Variants in DLG2 observed in about 807,000 individuals in gnomAD.
The protein encoded by DLG2 is discs large MAGUK scaffold protein 2, also known as disks large homolog 2.
A neutral mutation model predicts 132.5 loss-of-function variants in DLG2; 45 were observed. The ratio of observed to expected loss-of-function variants is 0.34; its 90% CI spans 0.27 to 0.44. The LOEUF (loss-of-function observed/expected upper bound fraction) is 0.44, where lower values mean the gene tolerates loss of function less well. Ranked by LOEUF, DLG2 falls within the 20% of genes least tolerant of loss-of-function variation. The probability of loss-of-function intolerance (pLI) is 1.00; values close to 1 mark genes in which losing one functional copy is unlikely to be tolerated. For synonymous variants in DLG2, 424 were observed against 419.6 expected, an observed-to-expected ratio of 1.01 and a Z score of -0.13; for missense variants, 1,045 against 1,196.9, an observed-to-expected ratio of 0.87 and a Z score of 1.87.
At chr11:85,481,369 C>T (rs771073760) in intron 3 of DLG2, among the ~76,000 whole-genome samples, 2 of 152,158 alleles carry the variant, frequency 1.3e-5, no homozygotes, top group Non-Finnish European at 2.9e-5. Context: ...CACAAAAATA[C>T]TTTCACAATA....
At chr11:84,294,220 T>A (rs2098054450) in intron 7 of DLG2, among the ~76,000 whole-genome samples, 1 of 152,240 alleles carries the variant, frequency 6.6e-6, no homozygotes, top group Non-Finnish European at 1.5e-5. Context: ...TTGAGTTGTA[T>A]GAGTTTATTA....
chr11:83,804,609 G>C (rs28756717), intron 17 of DLG2, among the ~76,000 whole-genome samples: 1,799 of 44,858 alleles, frequency 0.04, 24 homozygotes, highest in Middle Eastern at 0.12. Context: ...CACACACACA[G>C]ACACACACTT....
At chr11:85,226,686 T>C (rs540653795) in intron 4 of DLG2, among the ~76,000 whole-genome samples, 179 of 152,276 alleles carry the variant, frequency 1.2e-3, no homozygotes, top group Non-Finnish European at 1.8e-3. Flanking sequence ...CATGATGTGT[T>C]GGAGAGAAGC....
intron 16 of DLG2, among the ~76,000 whole-genome samples, chr11:83,866,192 C>T (rs1256550540): frequency 6.6e-6 from 1 of 152,066 alleles, no homozygotes; most frequent in East Asian, 1.9e-4. Flanking sequence ...CTGCTTTGCT[C>T]ATCATTATAT....
chr11:85,191,094 G>A (rs1235940001), intron 4 of DLG2, among the ~76,000 whole-genome samples: 3 of 151,320 alleles, frequency 2.0e-5, no homozygotes, highest in Non-Finnish European at 2.9e-5. Flanking sequence ...ATTCACAATA[G>A]CAAAGACATG....
chr11:83,856,057 A>G (rs887897088), intron 16 of DLG2, among the ~76,000 whole-genome samples: 3 of 152,124 alleles, frequency 2.0e-5, no homozygotes, highest in Non-Finnish European at 1.5e-5. Flanking sequence ...CTCATAATTT[A>G]GCTTCCACTT....
At chr11:83,912,292 G>T (rs2076213022) in intron 15 of DLG2, among the ~76,000 whole-genome samples, 2 of 152,166 alleles carry the variant, frequency 1.3e-5, no homozygotes, top group East Asian at 3.9e-4. Context: ...ACTTATGACT[G>T]GGTTGTTATC....
chr11:84,719,356 T>C (rs564452691), intron 6 of DLG2, among the ~76,000 whole-genome samples: 1 of 152,220 alleles, frequency 6.6e-6, no homozygotes, highest in East Asian at 1.9e-4. Flanking sequence ...TCTCTCTTTC[T>C]CTCTCTCTCT....
At chr11:84,503,699 A>G (rs547469258) in intron 7 of DLG2, among the ~76,000 whole-genome samples, 1 of 152,344 alleles carries the variant, frequency 6.6e-6, no homozygotes, top group East Asian at 1.9e-4. Context: ...GGTCCTTAAG[A>G]AAAGTCTGAG....
chr11:85,065,902 C>G (rs182883403), intron 6 of DLG2, among the ~76,000 whole-genome samples: 102 of 151,250 alleles, frequency 6.7e-4, no homozygotes, highest in African/African-American at 2.4e-3. Flanking sequence ...CATCACACCT[C>G]AAAGAACTAA....
intron 3 of DLG2, among the ~76,000 whole-genome samples, chr11:85,398,612 C>A (rs1021893033): frequency 3.3e-5 from 5 of 152,126 alleles, no homozygotes; most frequent in Admixed American, 1.3e-4. Context: ...CACAATCCCA[C>A]AGAAATACAA....
chr11:83,616,864 G>C (rs1282999074), intron 19 of DLG2, among the ~76,000 whole-genome samples: 2 of 152,074 alleles, frequency 1.3e-5, no homozygotes, highest in African/African-American at 4.8e-5. Flanking sequence ...AAAAAAGTTG[G>C]ATATCCAATT....
chr11:84,058,686 TAAAAC>T (rs574515463), intron 11 of DLG2, among the ~76,000 whole-genome samples: 5 of 151,118 alleles, frequency 3.3e-5, no homozygotes, highest in Non-Finnish European at 5.9e-5. Context: ...GACCCTGCCT[TAAAAC>T]AAAACAAAAC....
chr11:84,530,051 C>T (rs766514350), intron 7 of DLG2, among the ~76,000 whole-genome samples: 1 of 152,092 alleles, frequency 6.6e-6, no homozygotes, highest in East Asian at 1.9e-4. Context: ...GAAAGGACTC[C>T]CTAGTCAATA....
At chr11:85,204,523 A>G (rs2081723020) in intron 4 of DLG2, among the ~76,000 whole-genome samples, 2 of 152,156 alleles carry the variant, frequency 1.3e-5, no homozygotes. Context: ...CTCTGATGAA[A>G]ATAAATTGAA....
At chr11:84,986,294 T>C (rs1293793922) in intron 6 of DLG2, among the ~76,000 whole-genome samples, 1 of 151,888 alleles carries the variant, frequency 6.6e-6, no homozygotes, top group African/African-American at 2.4e-5. Context: ...AGCAGCGAGA[T>C]TGAAATGGTA....
chr11:84,588,917 CT>C (rs1259177496), intron 6 of DLG2, among the ~76,000 whole-genome samples: 1 of 152,040 alleles, frequency 6.6e-6, no homozygotes, highest in Non-Finnish European at 1.5e-5. Context: ...GCCCTGAATT[CT>C]TTCTTGCCTG....
chr11:85,408,694 A>G (rs909828078), intron 3 of DLG2, among the ~76,000 whole-genome samples: 3 of 150,586 alleles, frequency 2.0e-5, no homozygotes, highest in Non-Finnish European at 3.0e-5. Context: ...ATGATTTCCA[A>G]TTTCATCCAT....
intron 21 of DLG2, among the ~76,000 whole-genome samples, chr11:83,510,347 A>T (rs11233649): frequency 2.0e-5 from 3 of 151,798 alleles, no homozygotes; most frequent in Non-Finnish European, 2.9e-5. Context: ...AGACTCAGAG[A>T]GTAAGAGGTC....
Sources: allele counts gnomAD v4.1 joint callset (sites outside exome capture counted in the v4.1 genomes callset), GRCh38; gene constraint gnomAD v4.1.1; transcripts MANE v1.5; gene names NCBI Gene and HGNC (gene_info 2026-07-23, HGNC 2026-07-21).